The following STK3 variants were observed in gnomAD, a reference collection of about 807,000 sequenced individuals.
The protein encoded by STK3 is serine/threonine-protein kinase 3.
In STK3, 41 loss-of-function variants were observed where a neutral mutation model predicts 58.0. That is an observed-to-expected ratio of 0.71 (90% CI 0.55 to 0.92). The LOEUF is 0.92. STK3 is among the 40% of genes least tolerant of loss of function. The pLI is 0.00. For synonymous variants in STK3, 170 were observed against 191.0 expected, an observed-to-expected ratio of 0.89 and a Z score of 0.91; for missense variants, 479 against 602.7, an observed-to-expected ratio of 0.79 and a Z score of 2.15.
chr8:98,411,343 A>G (rs1377732927), intron 3 of STK3, among the ~76,000 whole-genome samples: 1 of 152,272 alleles, frequency 6.6e-6, no homozygotes, highest in Non-Finnish European at 1.5e-5. Flanking sequence ...ACTAGGCTGC[A>G]TAACTCCCTT....
In STK3 at chr8:98,597,515, T is replaced by C. The variant is rs183559487; in HGVS notation, c.685-1346A>G. On this transcript the variant is annotated intron_variant, in intron 6 of 10. Transcript: ENST00000419617. ...CAAACAAATATTTATAAAGCATTTC[T>C]GTGTGTTCAGAACAATGCTATAATT... 111 of 985,428 alleles carry C rather than the reference T, an allele frequency of 1.1e-4. No homozygotes were observed. In the African/African-American group the frequency reaches 1.7e-3, roughly 15 times the overall value. The allele number at this position is 985,428 out of a possible 1,614,324, so 61.0% of individuals were successfully genotyped here. A position where few individuals can be genotyped will look rare whatever the true frequency, so the allele number is the denominator to read the frequency against.
downstream of STK3, chr8:98,881,884 AGAGG>A (rs1429928348): frequency 2.6e-5 from 4 of 152,160 alleles, no homozygotes; most frequent in African/African-American, 9.7e-5. Flanking sequence ...ATTAGGCCAA[AGAGG>A]GAGAAGGCTA....
At chr8:98,397,668 C>T (rs1342886086), downstream of STK3, among the ~76,000 whole-genome samples, 2 of 152,028 alleles carry the variant, frequency 1.3e-5, no homozygotes, top group Non-Finnish European at 2.9e-5. Flanking sequence ...GCTCTGTGTC[C>T]CCACCCAAAT....
At chr8:98,673,655 C>T (rs1021378285) in intron 6 of STK3, among the ~76,000 whole-genome samples, 5 of 151,904 alleles carry the variant, frequency 3.3e-5, no homozygotes, top group Admixed American at 6.6e-5. Flanking sequence ...TAACAAGTAC[C>T]GGGTTGTATT....
intron 6 of STK3, among the ~76,000 whole-genome samples, chr8:98,620,925 ATTTT>A (rs534225654): frequency 7.7e-6 from 1 of 130,254 alleles, no homozygotes; most frequent in Admixed American, 7.8e-5. Context: ...AAAACAACTG[ATTTT>A]TTTTTTTTTT....
downstream of STK3, chr8:98,881,125 A>G (rs1837776533): frequency 6.6e-6 from 1 of 152,216 alleles, no homozygotes; most frequent in African/African-American, 2.4e-5. Context: ...TGAACATGAC[A>G]ATGATTTCCT....
intron 4 of STK3, among the ~76,000 whole-genome samples, chr8:98,720,889 A>G (rs1480858414): frequency 1.3e-5 from 2 of 152,216 alleles, no homozygotes; most frequent in Non-Finnish European, 2.9e-5. Flanking sequence ...CAAAACAGCT[A>G]CCAGTGGTAA....
intron 3 of STK3, among the ~76,000 whole-genome samples, chr8:98,760,891 G>T (rs1176096852): frequency 1.3e-5 from 2 of 151,342 alleles, no homozygotes; most frequent in Admixed American, 6.6e-5. Context: ...AAACCAAAGG[G>T]GAAAAATGGA....
At chr8:98,366,930 C>A (rs1363985984), downstream of STK3, among the ~76,000 whole-genome samples, 8 of 152,234 alleles carry the variant, frequency 5.3e-5, no homozygotes, top group Non-Finnish European at 8.8e-5. Flanking sequence ...TTTGTCACTG[C>A]CCTGTAAGTC....
chr8:98,645,217 G>A (rs1820312560), intron 6 of STK3, among the ~76,000 whole-genome samples: 1 of 152,160 alleles, frequency 6.6e-6, no homozygotes, highest in Non-Finnish European at 1.5e-5. Context: ...AGAACTAGAA[G>A]CAGAGACTTA....
At chr8:98,355,399 G>A in the STK3 span, among the ~76,000 whole-genome samples, 3 of 152,208 alleles carry the variant, frequency 2.0e-5, no homozygotes, top group Non-Finnish European at 4.4e-5. Flanking sequence ...ATACAGACTA[G>A]CTGTTTCTGA....
rs574002569 is a variant in STK3 at position 98,865,116 on chromosome 8, C to T, written c.110+18531G>A. On this transcript the variant is annotated intron_variant, in intron 3 of 12. Transcript: ENST00000523601. ...TATTACTGTAGAAGAAGAGGCCAGG[C>T]GTGGTGGCTCACACCTGTAATCCCA... 2.6e-5 allele frequency among the ~76,000 whole-genome samples: 4 copies of T among 152,214 alleles called. No individual in the cohort carries two copies. The East Asian group carries it at 5.8e-4, about 22-fold the overall frequency.
intron 1 of STK3, among the ~76,000 whole-genome samples, chr8:98,816,254 T>G (rs1834533192): frequency 2.0e-5 from 3 of 152,190 alleles, no homozygotes; most frequent in Admixed American, 2.0e-4. Flanking sequence ...CTGTAGCTCA[T>G]GCCTATAATC....
intron 6 of STK3, among the ~76,000 whole-genome samples, chr8:98,657,290 T>G (rs1223202845): frequency 6.6e-6 from 1 of 152,004 alleles, no homozygotes; most frequent in African/African-American, 2.4e-5. Flanking sequence ...TTCGAGATAG[T>G]TACTATGAAA....
intron 3 of STK3, among the ~76,000 whole-genome samples, chr8:98,839,328 A>G (rs1376692350): frequency 1.3e-5 from 2 of 152,162 alleles, no homozygotes; most frequent in African/African-American, 2.4e-5. Context: ...GGACTACAGC[A>G]TGAACCACCA....
intron 1 of STK3, chr8:98,439,431 T>C (rs994119459): frequency 2.6e-5 from 4 of 152,066 alleles, no homozygotes; most frequent in South Asian, 2.1e-4. Context: ...CCACCAACAA[T>C]GAGATTGGAA....
At chr8:98,345,739 G>A in the STK3 span, among the ~76,000 whole-genome samples, 29 of 152,050 alleles carry the variant, frequency 1.9e-4, no homozygotes, top group Non-Finnish European at 2.9e-4. Context: ...GGAATTAGCA[G>A]AACAGGACAC....
intron 1 of STK3, among the ~76,000 whole-genome samples, chr8:98,819,259 T>C (rs1247608718): frequency 6.6e-6 from 1 of 152,086 alleles, no homozygotes; most frequent in Non-Finnish European, 1.5e-5. Context: ...TGTAAATGTG[T>C]GGGTCTGTAC....
At chr8:98,561,304 A>G (rs914985370) in intron 8 of STK3, among the ~76,000 whole-genome samples, 3 of 145,158 alleles carry the variant, frequency 2.1e-5, no homozygotes, top group African/African-American at 7.5e-5. Context: ...ATCCATACGG[A>G]AAAAAAAAAA....
Sources: gnomAD v4.1 joint callset for allele counts (sites outside exome capture counted in the v4.1 genomes callset) on GRCh38, gnomAD v4.1.1 for gene constraint, MANE v1.5 for transcripts, NCBI Gene and HGNC (gene_info 2026-07-23, HGNC 2026-07-21) for gene names.